The following IGSF11 variants were observed in gnomAD, a reference collection of about 807,000 sequenced individuals.
The protein encoded by IGSF11 is CXADR like 1.
In IGSF11, 22 loss-of-function variants were observed where a neutral mutation model predicts 41.0. The ratio of observed to expected loss-of-function variants is 0.54; its 90% confidence interval spans 0.38 to 0.77. The LOEUF (loss-of-function observed/expected upper bound fraction) is 0.77, where lower values mean the gene tolerates loss of function less well. Ranked by LOEUF, IGSF11 falls within the 30% of genes least tolerant of loss-of-function variation. The pLI is 0.00. For synonymous variants in IGSF11, 219 were observed against 201.3 expected (o/e 1.09, Z -0.74); for missense variants, 444 against 530.8 (o/e 0.84, Z 1.61).
chr3:118,923,959 A>G (rs1403904925), intron 4 of IGSF11, among the ~76,000 whole-genome samples: 1 of 152,160 alleles, frequency 6.6e-6, no homozygotes, highest in East Asian at 1.9e-4. Context: ...TGTCATTAAT[A>G]AGCAATTTGT....
At chr3:118,966,117 A>T (rs1320122867) in intron 1 of IGSF11, among the ~76,000 whole-genome samples, 1 of 152,134 alleles carries the variant, frequency 6.6e-6, no homozygotes, top group Non-Finnish European at 1.5e-5. Context: ...GTCAGTGAAT[A>T]AAAAAGGCAG....
intron 1 of IGSF11, among the ~76,000 whole-genome samples, chr3:119,058,151 C>A (rs1941921628): frequency 6.6e-6 from 1 of 152,124 alleles, no homozygotes; most frequent in East Asian, 1.9e-4. Context: ...AGAGCTTCTG[C>A]ACAGCAAAAG....
At chr3:119,037,496 G>A (rs1201256012), upstream of IGSF11, among the ~76,000 whole-genome samples, 2 of 152,130 alleles carry the variant, frequency 1.3e-5, no homozygotes, top group African/African-American at 4.8e-5. Context: ...ATTTGGATGA[G>A]ATTGGCCCCA....
rs148960557 is a variant in IGSF11 at position 119,136,356 on chromosome 3, A to G, written c.-14+9457T>C. On this transcript the variant is annotated intron_variant, in intron 1 of 7. Transcript: ENST00000425327. ...TGAATGTAAAGGGACTTAACTCCTC[A>G]ATAAAAAAGACATACAGTGGCTGAA... is the stretch of plus-strand genomic sequence containing the variant. Among the ~76,000 whole-genome samples, 381 of 152,248 alleles carry G rather than the reference A, an allele frequency of 2.5e-3. 3 individuals are homozygous for G. The highest frequency in any genetic ancestry group is 0.014 in the Middle Eastern group (4 of 294).
chr3:119,064,650 G>T (rs1425884561), intron 1 of IGSF11, among the ~76,000 whole-genome samples: 3 of 151,254 alleles, frequency 2.0e-5, no homozygotes, highest in African/African-American at 4.9e-5. Context: ...TAATATTAGG[G>T]CTCCCAATCC....
At chr3:118,976,941 C>T (rs1366426712) in intron 1 of IGSF11, among the ~76,000 whole-genome samples, 2 of 152,206 alleles carry the variant, frequency 1.3e-5, no homozygotes, top group Non-Finnish European at 2.9e-5. Flanking sequence ...CTGTCACCCA[C>T]TTCTGTAGGA....
chr3:118,903,172 C>T (rs1939128002), intron 6 of IGSF11, among the ~76,000 whole-genome samples: 1 of 152,120 alleles, frequency 6.6e-6, no homozygotes, highest in South Asian at 2.1e-4. Context: ...AAAATCTCTC[C>T]TCAGCTTCTC....
intron 1 of IGSF11, among the ~76,000 whole-genome samples, chr3:119,143,322 A>G (rs1404980702): frequency 1.3e-5 from 2 of 152,212 alleles, no homozygotes; most frequent in African/African-American, 2.4e-5. Flanking sequence ...ACAATAACAC[A>G]CAAAAAAGTA....
At chr3:118,945,570 C>T (rs1411552429) in intron 1 of IGSF11, among the ~76,000 whole-genome samples, 1 of 152,020 alleles carries the variant, frequency 6.6e-6, no homozygotes, top group Non-Finnish European at 1.5e-5. Context: ...CCACAGAGTG[C>T]CGGAAGAATA....
At chr3:119,011,723 C>G (rs961485082) in intron 1 of IGSF11, among the ~76,000 whole-genome samples, 1 of 152,330 alleles carries the variant, frequency 6.6e-6, no homozygotes, top group South Asian at 2.1e-4. Context: ...CCATCTATTG[C>G]AGGCATAACA....
intron 1 of IGSF11, among the ~76,000 whole-genome samples, chr3:119,015,290 A>G (rs1388272549): frequency 6.6e-6 from 1 of 152,226 alleles, no homozygotes; most frequent in Non-Finnish European, 1.5e-5. Flanking sequence ...TACTGCTCTT[A>G]GCATTTATTT....
intron 1 of IGSF11, among the ~76,000 whole-genome samples, chr3:119,072,048 T>C (rs1176074900): frequency 1.3e-5 from 2 of 152,212 alleles, no homozygotes; most frequent in African/African-American, 2.4e-5. Flanking sequence ...AATAAGAGAC[T>C]CTAGGAGAAT....
At chr3:119,018,325 A>G (rs2107708227) in intron 1 of IGSF11, among the ~76,000 whole-genome samples, 1 of 152,330 alleles carries the variant, frequency 6.6e-6, no homozygotes, top group Non-Finnish European at 1.5e-5. Context: ...GGAGCTTCAT[A>G]GTGCTTAAGT....
upstream of IGSF11, among the ~76,000 whole-genome samples, chr3:119,039,759 C>T (rs1941045854): frequency 6.6e-6 from 1 of 152,148 alleles, no homozygotes; most frequent in African/African-American, 2.4e-5. Context: ...TTGTTCTTTC[C>T]CTACGTTTTT....
At position 119,105,162 on chromosome 3, in the gene IGSF11, T is replaced by C. The variant is rs762367844; in HGVS notation, c.31A>G (p.Asn11Asp). The change falls in exon 1 of 7, where the codon AAC (asparagine) becomes GAC (aspartate). Residue 11 changes from asparagine to aspartate, a missense_variant. By Grantham distance (23) the Asn-to-Asp change is conservative. Coordinates refer to the IGSF11 transcript ENST00000354673. ...CACTAACCAGTTCTAGAAAAGCAGT[T>C]CCACCAGAGCAAAAGTTCCACCAGA... The C allele has an allele frequency of 5.0e-6, 8 of 1,609,630 alleles. No individual in the cohort carries two copies. The Admixed American group carries it at 1.3e-4, about 27-fold the overall frequency.
upstream of IGSF11, among the ~76,000 whole-genome samples, chr3:119,039,115 C>G (rs1941019263): frequency 6.6e-6 from 1 of 152,148 alleles, no homozygotes; most frequent in African/African-American, 2.4e-5. Context: ...CAGGATGAGT[C>G]CTTACTGTAA....
At chr3:119,053,330 C>A (rs1417841442) in intron 1 of IGSF11, among the ~76,000 whole-genome samples, 2 of 152,052 alleles carry the variant, frequency 1.3e-5, no homozygotes, top group Non-Finnish European at 2.9e-5. Flanking sequence ...AATATAAAAT[C>A]AATGTACACA....
At chr3:119,085,207 G>A (rs1004049500) in intron 1 of IGSF11, among the ~76,000 whole-genome samples, 6 of 152,282 alleles carry the variant, frequency 3.9e-5, no homozygotes, top group African/African-American at 1.2e-4. Context: ...ATACACAAAG[G>A]AGATGCATGG....
chr3:118,934,201 C>T (rs1166322252), intron 1 of IGSF11, among the ~76,000 whole-genome samples: 1 of 152,128 alleles, frequency 6.6e-6, no homozygotes, highest in Non-Finnish European at 1.5e-5. Context: ...ACTTCTGCCC[C>T]AATCATTTCT....
Sources: allele counts gnomAD v4.1 joint callset (sites outside exome capture counted in the v4.1 genomes callset), GRCh38; gene constraint gnomAD v4.1.1; transcripts MANE v1.5; gene names NCBI Gene and HGNC (gene_info 2026-07-23, HGNC 2026-07-21).